Variants in CACNA2D2 observed in about 807,000 individuals in gnomAD.
CACNA2D2 encodes the protein calcium voltage-gated channel auxiliary subunit alpha2delta 2.
CACNA2D2 carries 48 observed loss-of-function variants against 166.4 expected under a neutral mutation model. The ratio of observed to expected loss-of-function variants is 0.29; its 90% CI spans 0.23 to 0.37. The LOEUF (loss-of-function observed/expected upper bound fraction) is 0.37. Among genes scored for constraint, CACNA2D2 ranks in the 10% least tolerant of loss-of-function variants. The pLI is 1.00. For missense variants in CACNA2D2, 1,122 were observed against 1,433.0 expected, an observed-to-expected ratio of 0.78 and a Z score of 3.50; for synonymous variants, 561 against 573.7, an observed-to-expected ratio of 0.98 and a Z score of 0.32.
At position 50,503,361 on chromosome 3, in the gene CACNA2D2, G is replaced by A. The variant is rs1575799164; in HGVS notation, c.63C>T (p.Pro21=). ...CAGGGTGGGGGCCGCAGCCGGGCCAGGGGCGCGCAGTCCGCGCTGGGCCGG... is the reference window on the plus strand; with the variant it reads ...CAGGGTGGGGGCCGCAGCCGGGCCAAGGGCGCGCAGTCCGCGCTGGGCCGG... The part of the protein sequence containing the change: ...SRPGPARTAR[P]WPGCGPHPGP... The change falls in exon 1 of 38, where the codon CCC becomes CCT. Residue 21 remains proline (P), a synonymous_variant. Coordinates refer to ENST00000424201, the MANE Select transcript of CACNA2D2 (RefSeq NM_006030.4). 3.4e-6 allele frequency: 1 copy of A among 293,808 alleles called. No homozygotes were observed. Among genetic ancestry groups the A allele is most frequent in the Non-Finnish European group, 6.2e-6 (1 of 161,912 alleles). 18.2% of individuals were successfully genotyped at this position (293,808 alleles called of 1,614,324 possible). A position where few individuals can be genotyped will look rare whatever the true frequency, so the allele number is the denominator to read the frequency against.
intron 6 of CACNA2D2, among the ~76,000 whole-genome samples, chr3:50,381,924 C>T (rs1196132091): frequency 6.6e-6 from 1 of 151,832 alleles, no homozygotes; most frequent in Non-Finnish European, 1.5e-5. Context: ...ACCCCATTCT[C>T]CCTTCCCCCC....
intron 3 of CACNA2D2, among the ~76,000 whole-genome samples, chr3:50,408,313 G>A (rs1223689265): frequency 6.6e-6 from 1 of 152,254 alleles, no homozygotes; most frequent in East Asian, 1.9e-4. Context: ...GTGGGAGCAG[G>A]AGCCAGACTC....
rs775830811 is a variant in CACNA2D2 at position 50,379,210 on chromosome 3, T to C, written c.1153-11A>G. The C allele has an allele frequency of 3.9e-5, 62 of 1,606,286 alleles. No individual in the cohort carries two copies. Among genetic ancestry groups the C allele is most frequent in the Non-Finnish European group, 5.0e-5 (59 of 1,173,322 alleles). On this transcript the variant is annotated splice_polypyrimidine_tract_variant and intron_variant, in intron 11 of 37. Coordinates refer to ENST00000424201, the MANE Select transcript of CACNA2D2 (RefSeq NM_006030.4). The surrounding 1 kb of genome is among the most constrained non-coding windows in gnomAD (Gnocchi z 6.5). ...CCGAGTGATGTTGGACTGAGGGGAG[T>C]GAGGCGGAGGCAGGCAGCTCTCAGC...
chr3:50,476,058 G>T, intron 2 of CACNA2D2, 60 bp downstream of exon 2: 1 of 1,401,364 alleles, frequency 7.1e-7, no homozygotes, highest in Non-Finnish European at 9.9e-7. Flanking sequence ...TATTTCTGAA[G>T]CTTTTCCCCT....
chr3:50,448,797 C>A (rs929194827), intron 2 of CACNA2D2, among the ~76,000 whole-genome samples: 1 of 152,138 alleles, frequency 6.6e-6, no homozygotes, highest in African/African-American at 2.4e-5. Flanking sequence ...CTGGTCACAT[C>A]CCTAGAGCCA....
intron 1 of CACNA2D2, among the ~76,000 whole-genome samples, chr3:50,478,540 C>T (rs1697900316): frequency 6.6e-6 from 1 of 152,212 alleles, no homozygotes; most frequent in African/African-American, 2.4e-5. Flanking sequence ...TGTGCGAGGG[C>T]ATCCACTACG....
At chr3:50,462,152 G>A (rs749944706) in intron 2 of CACNA2D2, among the ~76,000 whole-genome samples, 7 of 152,108 alleles carry the variant, frequency 4.6e-5, no homozygotes, top group Non-Finnish European at 1.0e-4. Context: ...GGGAGGCCGA[G>A]GCAGGGGAAG....
chr3:50,364,595 G>A lies in CACNA2D2; in HGVS notation c.*71C>T, dbSNP rs988265792. On this transcript the variant is annotated 3_prime_UTR_variant, in exon 38 of 38. Coordinates refer to ENST00000424201, the MANE Select transcript of CACNA2D2 (RefSeq NM_006030.4). ...GGGACGAGGCTCTAAGGCGGGGAGT[G>A]TGGGGCAGGAGGGTGGGAAAGGCGA... is the stretch of plus-strand genomic sequence containing the variant. 19 of 1,431,818 alleles carry A rather than the reference G, an allele frequency of 1.3e-5. 1 individual carries two copies. In the African/African-American group the frequency reaches 2.5e-4, roughly 18 times the overall value. The allele number at this position is 1,431,818 out of a possible 1,614,324, so 88.7% of individuals were successfully genotyped here.
chr3:50,388,920 A>G (rs1705746322), intron 4 of CACNA2D2, among the ~76,000 whole-genome samples: 1 of 152,228 alleles, frequency 6.6e-6, no homozygotes, highest in Admixed American at 6.5e-5. Context: ...GTAAGACCAC[A>G]ACTTCCTGAG....
intron 1 of CACNA2D2, among the ~76,000 whole-genome samples, chr3:50,496,529 C>G (rs753486968): frequency 3.3e-5 from 5 of 152,202 alleles, no homozygotes; most frequent in Non-Finnish European, 5.9e-5. Flanking sequence ...GCCTGTAGGG[C>G]CTGGATGGGT....
intron 2 of CACNA2D2, among the ~76,000 whole-genome samples, chr3:50,436,353 G>A (rs1708319266): frequency 6.6e-6 from 1 of 152,220 alleles, no homozygotes; most frequent in Non-Finnish European, 1.5e-5. Context: ...GCTGTCCATG[G>A]CTGTGTACAG....
chr3:50,453,997 T>A (rs1392539862), intron 2 of CACNA2D2, among the ~76,000 whole-genome samples: 1 of 152,070 alleles, frequency 6.6e-6, no homozygotes, highest in Non-Finnish European at 1.5e-5. Flanking sequence ...CATCTCCCCC[T>A]CCACACCCGG....
In CACNA2D2 at chr3:50,394,302, A is replaced by G. The variant is rs548002398; in HGVS notation, c.406-134T>C. ...GACTCCCTTCCCCTCATCCTACGAG[A>G]CCCTCAGAGATTCTCTGCCCCAGAC... On this transcript the variant is annotated intron_variant, in intron 3 of 37. Coordinates refer to ENST00000424201, the MANE Select transcript of CACNA2D2 (RefSeq NM_006030.4). 41 of 709,502 alleles carry G rather than the reference A, an allele frequency of 5.8e-5. No homozygotes were observed. In the East Asian group the frequency reaches 8.9e-4, roughly 15 times the overall value. 44.0% of individuals were successfully genotyped at this position (709,502 alleles called of 1,614,324 possible).
At chr3:50,445,011 G>C (rs1008742498) in intron 2 of CACNA2D2, among the ~76,000 whole-genome samples, 2 of 152,224 alleles carry the variant, frequency 1.3e-5, no homozygotes, top group East Asian at 3.8e-4. Flanking sequence ...TAGGCTCACA[G>C]AAAAGGTACC....
intron 1 of CACNA2D2, among the ~76,000 whole-genome samples, chr3:50,484,194 C>T (rs546124667): frequency 1.3e-5 from 2 of 152,326 alleles, no homozygotes; most frequent in Non-Finnish European, 1.5e-5. Context: ...CTCACACCCA[C>T]ATCCAATCTA....
intron 2 of CACNA2D2, among the ~76,000 whole-genome samples, chr3:50,454,493 C>G (rs1392966526): frequency 1.3e-5 from 2 of 152,188 alleles, no homozygotes; most frequent in Non-Finnish European, 2.9e-5. Context: ...GAGAGCGGAG[C>G]CTCCAATCAG....
intron 2 of CACNA2D2, among the ~76,000 whole-genome samples, chr3:50,471,379 G>A (rs1316438437): frequency 6.6e-6 from 1 of 152,162 alleles, no homozygotes; most frequent in African/African-American, 2.4e-5. Context: ...GACCTTCTGT[G>A]GGGTCTAGGG....
At chr3:50,482,515 C>T (rs1481438826) in intron 1 of CACNA2D2, among the ~76,000 whole-genome samples, 2 of 152,210 alleles carry the variant, frequency 1.3e-5, no homozygotes, top group African/African-American at 4.8e-5. Context: ...TCCAAGGACC[C>T]AAAGAGGAGC....
At chr3:50,447,145 G>C (rs536253344) in intron 2 of CACNA2D2, among the ~76,000 whole-genome samples, 1 of 152,210 alleles carries the variant, frequency 6.6e-6, no homozygotes, top group Non-Finnish European at 1.5e-5. Context: ...GAGAGCTTCC[G>C]GGGGAGGGGA....
Sources: gnomAD v4.1 joint callset for allele counts (sites outside exome capture counted in the v4.1 genomes callset) on GRCh38, gnomAD v4.1.1 for gene constraint, Gnocchi (gnomAD v3.1) non-coding constraint, MANE v1.5 for transcripts, NCBI Gene and HGNC (gene_info 2026-07-23, HGNC 2026-07-21) for gene names.